Variants in GPC6 observed in about 807,000 individuals in gnomAD.
The protein encoded by GPC6 is glypican-6.
In GPC6, 14 loss-of-function variants were observed where a neutral mutation model predicts 55.2. That is an observed-to-expected ratio of 0.25 (90% CI 0.17 to 0.40). The LOEUF (loss-of-function observed/expected upper bound fraction) is 0.40. GPC6 is among the 10% of genes least tolerant of loss of function. GPC6 has a pLI of 1.00. For missense variants in GPC6, 641 were observed against 708.5 expected (o/e 0.90, Z 1.08); for synonymous variants, 278 against 259.6 (o/e 1.07, Z -0.68).
chr13:93,471,358 C>CA (rs59410717), intron 1 of GPC6, among the ~76,000 whole-genome samples: 286 of 123,130 alleles, frequency 2.3e-3, no homozygotes, highest in African/African-American at 8.1e-3. Context: ...TCTAAAAATA[C>CA]AAAAAAAAAA....
intron 3 of GPC6, among the ~76,000 whole-genome samples, chr13:93,872,312 A>G (rs1889154716): frequency 6.6e-6 from 1 of 151,996 alleles, no homozygotes; most frequent in South Asian, 2.1e-4. Context: ...CTGTGATACA[A>G]TGGTTAATCC....
At chr13:93,839,414 A>C (rs1169594540) in intron 3 of GPC6, among the ~76,000 whole-genome samples, 3 of 152,140 alleles carry the variant, frequency 2.0e-5, no homozygotes, top group Admixed American at 1.3e-4. Flanking sequence ...TGAGGCTCCT[A>C]TGTGTGAGCG....
In GPC6 at chr13:93,490,621, A is replaced by T. The variant is rs1879951952; in HGVS notation, c.161-54642A>T. On this transcript the variant is annotated intron_variant, in intron 1 of 8. Coordinates refer to ENST00000377047, the MANE Select transcript of GPC6 (RefSeq NM_005708.5). Reference sequence around the variant, plus strand: ...GCCATGCTGGTGCGCTGCACCCACTAACTCGTCATCTAGCATTAGGTATAT... The same window carrying T: ...GCCATGCTGGTGCGCTGCACCCACTTACTCGTCATCTAGCATTAGGTATAT... Among the ~76,000 whole-genome samples the T allele has an allele frequency of 5.4e-5, 7 of 128,912 alleles. No individual in the cohort carries two copies. The Admixed American group carries it at 5.6e-4, about 10-fold the overall frequency. 84.6% of individuals were successfully genotyped at this position (128,912 alleles called of 152,430 possible).
intron 6 of GPC6, among the ~76,000 whole-genome samples, chr13:94,342,741 A>C (rs1878104264): frequency 6.6e-6 from 1 of 152,086 alleles, no homozygotes; most frequent in Non-Finnish European, 1.5e-5. Context: ...TCTGGCCCTC[A>C]GTGTTGGGAA....
intron 3 of GPC6, among the ~76,000 whole-genome samples, chr13:93,961,276 G>A (rs1445165358): frequency 6.6e-6 from 1 of 152,126 alleles, no homozygotes; most frequent in African/African-American, 2.4e-5. Context: ...TTAACTGGCT[G>A]GCCAAACAAT....
chr13:93,747,303 C>A (rs1015158209), intron 2 of GPC6, among the ~76,000 whole-genome samples: 5 of 152,158 alleles, frequency 3.3e-5, no homozygotes, highest in African/African-American at 1.2e-4. Context: ...TGTGAAAGAG[C>A]TGACAGGCAG....
chr13:94,270,021 A>G (rs1891941358), intron 4 of GPC6, among the ~76,000 whole-genome samples: 1 of 151,066 alleles, frequency 6.6e-6, no homozygotes. Flanking sequence ...CTGTTTTAAA[A>G]CCTAAAAGTT....
At chr13:94,262,539 G>A (rs73549938) in intron 4 of GPC6, among the ~76,000 whole-genome samples, 28,401 of 151,928 alleles carry the variant, frequency 0.19, 2,936 homozygotes, top group East Asian at 0.28. Flanking sequence ...TGGGCGTGGT[G>A]GTGCACACCT....
chr13:94,373,184 C>T (rs539982723), intron 6 of GPC6, among the ~76,000 whole-genome samples: 95 of 152,258 alleles, frequency 6.2e-4, no homozygotes, highest in African/African-American at 2.1e-3. Flanking sequence ...AACGCAGTTC[C>T]TCACCAGCAA....
intron 2 of GPC6, among the ~76,000 whole-genome samples, chr13:93,766,441 T>G (rs1005951953): frequency 6.6e-6 from 1 of 152,192 alleles, no homozygotes; most frequent in Non-Finnish European, 1.5e-5. Context: ...TTAACAATAC[T>G]ATATTGTGCA....
intron 4 of GPC6, among the ~76,000 whole-genome samples, chr13:94,168,762 A>G (rs1888458420): frequency 6.7e-6 from 1 of 149,758 alleles, no homozygotes. Context: ...ATTGGAGTAA[A>G]GGCGAATATA....
chr13:93,288,071 T>G (rs1432773193), intron 1 of GPC6, among the ~76,000 whole-genome samples: 1 of 152,206 alleles, frequency 6.6e-6, no homozygotes, highest in Non-Finnish European at 1.5e-5. Flanking sequence ...ATCTGTGAAT[T>G]ATCTAGAGTG....
chr13:93,281,493 T>C (rs1411130303), intron 1 of GPC6, among the ~76,000 whole-genome samples: 1 of 152,174 alleles, frequency 6.6e-6, no homozygotes, highest in Non-Finnish European at 1.5e-5. Context: ...TAAATATCAA[T>C]GTTACTTTGT....
intron 2 of GPC6, among the ~76,000 whole-genome samples, chr13:93,553,587 C>A (rs543929485): frequency 1.4e-5 from 2 of 147,910 alleles, no homozygotes; most frequent in South Asian, 4.4e-4. Context: ...CCCAGCTACT[C>A]GGGAGGCTGA....
At chr13:94,056,435 A>G (rs994829828) in intron 4 of GPC6, among the ~76,000 whole-genome samples, 2 of 152,186 alleles carry the variant, frequency 1.3e-5, no homozygotes, top group Non-Finnish European at 2.9e-5. Flanking sequence ...AGCAAATTCA[A>G]TACACGTGGA....
At chr13:93,737,253 A>G (rs928797951) in intron 2 of GPC6, among the ~76,000 whole-genome samples, 1 of 152,166 alleles carries the variant, frequency 6.6e-6, no homozygotes, top group Non-Finnish European at 1.5e-5. Flanking sequence ...GACCAAAATC[A>G]TCTCTTAATG....
intron 3 of GPC6, among the ~76,000 whole-genome samples, chr13:93,912,691 C>T (rs543680705): frequency 8.5e-5 from 13 of 152,100 alleles, no homozygotes; most frequent in Admixed American, 3.3e-4. Flanking sequence ...TGCAGTGAGC[C>T]GAGATTGCGC....
intron 2 of GPC6, among the ~76,000 whole-genome samples, chr13:93,676,666 C>A (rs1318849182): frequency 6.6e-6 from 1 of 152,082 alleles, no homozygotes; most frequent in Admixed American, 6.6e-5. Context: ...TAAAGAGAAG[C>A]TTGAAATAAG....
intron 5 of GPC6, among the ~76,000 whole-genome samples, chr13:94,299,352 G>T (rs2139102861): frequency 6.6e-6 from 1 of 152,332 alleles, no homozygotes; most frequent in Middle Eastern, 3.4e-3. Flanking sequence ...GGTCACACAA[G>T]TATTAGGAGA....
Sources: allele counts gnomAD v4.1 joint callset (sites outside exome capture counted in the v4.1 genomes callset), GRCh38; gene constraint gnomAD v4.1.1; transcripts MANE v1.5; gene names NCBI Gene and HGNC (gene_info 2026-07-23, HGNC 2026-07-21).